ABCB10: variants seen among roughly 807,000 people sequenced by gnomAD.
ABCB10 encodes the protein ATP binding cassette subfamily B member 10.
Under a neutral mutation model 65.4 loss-of-function variants are expected in ABCB10, and 54 were observed. That is an observed-to-expected ratio of 0.83 (90% confidence interval 0.66 to 1.04). ABCB10 has a LOEUF of 1.04. ABCB10 is among the 50% of genes least tolerant of loss of function. The pLI, the probability that ABCB10 is intolerant of heterozygous loss-of-function variation, is 0.00. For synonymous variants in ABCB10, 418 were observed against 406.5 expected (o/e 1.03, Z -0.34); for missense variants, 846 against 976.6 (o/e 0.87, Z 1.78).
chr1:229,531,946 A>ATTTTT, intron 6 of ABCB10: 2 of 219,720 alleles, frequency 9.1e-6, no homozygotes, highest in Non-Finnish European at 1.7e-5. Flanking sequence ...CCAGTTTCAT[A>ATTTTT]GTTTTTTTTT....
At chr1:229,534,251 A>C (rs1030991715) in intron 6 of ABCB10, among the ~76,000 whole-genome samples, 1 of 152,200 alleles carries the variant, frequency 6.6e-6, no homozygotes, top group Non-Finnish European at 1.5e-5. Context: ...GAATGGCTAA[A>C]AGCTAGAACA....
At chr1:229,527,200 G>T in intron 9 of ABCB10, 29 bp downstream of exon 9, 2 of 1,549,774 alleles carry the variant, frequency 1.3e-6, no homozygotes, top group Non-Finnish European at 1.8e-6. Flanking sequence ...AAAAGAAAGT[G>T]AAATAGAAAT....
chr1:229,554,655 C>T (rs193136469), intron 1 of ABCB10, among the ~76,000 whole-genome samples: 2 of 152,246 alleles, frequency 1.3e-5, no homozygotes, highest in African/African-American at 4.8e-5. Context: ...CTCTACTGTC[C>T]TTCTGGAATC....
chr1:229,558,445 T>C lies in ABCB10; in HGVS notation c.208A>G (p.Ser70Gly), dbSNP rs1663319599. ...WGVGAARRWR[S>G]GCRGGGPGAS... ...CCCGGACCCCCGCCCCGGCAGCCGCTCCTCCAGCGGCGCGCGGCTCCAACG... is the reference window on the plus strand; with the variant it reads ...CCCGGACCCCCGCCCCGGCAGCCGCCCCTCCAGCGGCGCGCGGCTCCAACG... The change falls in exon 1 of 13, where the codon AGC (serine) becomes GGC (glycine). Residue 70 changes from serine to glycine, a missense_variant. By Grantham distance (56) the Ser-to-Gly change is moderately conservative. This residue lies in a region of ABCB10 where 214 missense variants were observed against 173.5 expected (regional missense o/e 1.23). Coordinates refer to ENST00000344517, the MANE Select transcript of ABCB10 (RefSeq NM_012089.3). The C allele has an allele frequency of 1.6e-6, 2 of 1,216,776 alleles. No homozygotes were observed. Among genetic ancestry groups the C allele is most frequent in the Non-Finnish European group, 2.0e-6 (2 of 981,740 alleles). 75.4% of individuals were successfully genotyped at this position (1,216,776 alleles called of 1,614,324 possible).
At chr1:229,544,683 T>C (rs1439200539) in intron 3 of ABCB10, among the ~76,000 whole-genome samples, 1 of 152,188 alleles carries the variant, frequency 6.6e-6, no homozygotes, top group Non-Finnish European at 1.5e-5. Context: ...GAAATTCACA[T>C]GTTGAAGCCT....
intron 6 of ABCB10, chr1:229,535,038 T>TTAAAAAAAAAAAAAAAAAA (rs1553264347): frequency 4.2e-5 from 2 of 47,500 alleles, no homozygotes; most frequent in African/African-American, 1.5e-4. Flanking sequence ...AGACTCCCTT[T>TTAAAAAAAAAAAAAAAAAA]AAAAAAAAAA....
chr1:229,525,401 A>AG (rs1662416842), intron 10 of ABCB10, among the ~76,000 whole-genome samples: 1 of 152,182 alleles, frequency 6.6e-6, no homozygotes, highest in African/African-American at 2.4e-5. Flanking sequence ...GCTGTGGCTG[A>AG]GTACTACTCA....
chr1:229,536,424 T>A (rs1176812466), intron 6 of ABCB10, among the ~76,000 whole-genome samples: 1 of 152,134 alleles, frequency 6.6e-6, no homozygotes. Flanking sequence ...GAAGGATCAC[T>A]TGAGCCCAGG....
intron 2 of ABCB10, 92 bp downstream of exon 2, chr1:229,549,142 C>T (rs1391242356): frequency 7.4e-7 from 1 of 1,354,750 alleles, no homozygotes; most frequent in African/African-American, 1.4e-5. Context: ...GAGAATGGAG[C>T]CTGGAGCACA....
At chr1:229,547,128 G>T (rs986254096) in intron 3 of ABCB10, among the ~76,000 whole-genome samples, 1 of 152,178 alleles carries the variant, frequency 6.6e-6, no homozygotes, top group Non-Finnish European at 1.5e-5. Flanking sequence ...AAAGAGCACA[G>T]TTCGACTTAC....
At chr1:229,536,913 C>T (rs1048948532) in intron 6 of ABCB10, among the ~76,000 whole-genome samples, 5 of 151,606 alleles carry the variant, frequency 3.3e-5, no homozygotes, top group African/African-American at 1.2e-4. Context: ...TGCACTCCAG[C>T]CTGGGTGACA....
At position 229,529,417 on chromosome 1, in the gene ABCB10, T is replaced by C. The variant is rs531872942; in HGVS notation, c.1645+782A>G. The stretch of plus-strand genomic sequence containing the variant: ...CAGGCACGGTGGCTCACACCTGTAA[T>C]CCCAGCACTTTGGGAGGCCAAGGCG... On this transcript the variant is annotated intron_variant, in intron 8 of 12. Coordinates refer to ENST00000344517, the MANE Select transcript of ABCB10 (RefSeq NM_012089.3). Among the ~76,000 whole-genome samples the C allele has an allele frequency of 6.4e-3, 888 of 138,894 alleles. 7 individuals carry two copies. Among genetic ancestry groups the C allele is most frequent in the African/African-American group, 0.023 (850 of 37,752 alleles). The allele number at this position is 138,894 out of a possible 152,430, so 91.1% of individuals were successfully genotyped here.
Position 229,544,730 on chromosome 1 carries a change from C to T in ABCB10, c.922-2359G>A, listed in dbSNP as rs116038589. Among the ~76,000 whole-genome samples, 1,108 of 152,242 alleles carry T rather than the reference C, an allele frequency of 7.3e-3. 8 individuals carry two copies. The highest frequency in any genetic ancestry group is 0.024 in the Middle Eastern group (7 of 294). ...ATGGCTGTATTTGGAGATGGGGCCT[C>T]TAAGAAAGTAACTAAGGTTAAATGA... On this transcript the variant is annotated intron_variant, in intron 3 of 12. Transcript: ENST00000344517.
rs117842885 is a variant in ABCB10, at chr1:229,531,628, A to T, written c.1435+8T>A. The T allele has an allele frequency of 9.0e-5, 146 of 1,613,404 alleles. 1 individual carries two copies. In the East Asian group the frequency reaches 2.9e-3, roughly 32 times the overall value. On this transcript the variant is annotated splice_region_variant and intron_variant, in intron 7 of 12. Coordinates refer to ENST00000344517, the MANE Select transcript of ABCB10 (RefSeq NM_012089.3). ...TAATCCTAGCAAAGAAACAATTTTC[A>T]GACCCACCGTTAAAAGGCAGCTTGG...
chr1:229,552,576 G>A (rs1259134123), intron 1 of ABCB10, among the ~76,000 whole-genome samples: 1 of 152,182 alleles, frequency 6.6e-6, no homozygotes, highest in East Asian at 1.9e-4. Flanking sequence ...GGACAACAGC[G>A]CTGGATAGAA....
At chr1:229,534,509 T>G (rs763310391) in intron 6 of ABCB10, among the ~76,000 whole-genome samples, 3 of 151,984 alleles carry the variant, frequency 2.0e-5, no homozygotes, top group Non-Finnish European at 1.5e-5. Context: ...GCAGATCACT[T>G]GAGGCCAGGA....
chr1:229,521,706 C>T (rs1662320288), intron 10 of ABCB10, 71 bp from the exon 11 acceptor site: 1 of 1,536,708 alleles, frequency 6.5e-7, no homozygotes, highest in East Asian at 2.3e-5. Flanking sequence ...TATGATAAAC[C>T]ATATAGCAAT....
chr1:229,548,749 G>T (rs1359579405), intron 2 of ABCB10, among the ~76,000 whole-genome samples: 1 of 148,804 alleles, frequency 6.7e-6, no homozygotes, highest in African/African-American at 2.5e-5. Flanking sequence ...TGCAACCTCT[G>T]CCTCCCAGGT....
intron 12 of ABCB10, 82 bp downstream of exon 12, chr1:229,518,759 A>G: frequency 8.7e-7 from 1 of 1,156,036 alleles, no homozygotes; most frequent in East Asian, 2.4e-5. Context: ...TATCACTTTG[A>G]GGTACAGAAT....
Sources: gnomAD v4.1 joint callset for allele counts (sites outside exome capture counted in the v4.1 genomes callset) on GRCh38, gnomAD v4.1.1 for gene constraint, gnomAD v4.1.1 regional missense constraint, MANE v1.5 for transcripts, NCBI Gene and HGNC (gene_info 2026-07-23, HGNC 2026-07-21) for gene names.